PLAT: variants seen among roughly 807,000 people sequenced by gnomAD.
PLAT encodes the protein plasminogen activator, tissue type.
Under a neutral mutation model 74.9 loss-of-function variants are expected in PLAT, and 48 were observed. The ratio of observed to expected loss-of-function variants is 0.64; its 90% CI spans 0.51 to 0.82. The LOEUF (loss-of-function observed/expected upper bound fraction) is 0.82. PLAT is among the 40% of genes least tolerant of loss of function. PLAT has a pLI of 0.00. For synonymous variants in PLAT, 307 were observed against 294.4 expected (o/e 1.04, Z -0.44); for missense variants, 673 against 736.2 (o/e 0.91, Z 0.99).
intron 5 of PLAT, 110 bp from the exon 6 acceptor site, chr8:42,187,682 C>T (rs1020575974): frequency 2.2e-5 from 24 of 1,108,960 alleles, no homozygotes; most frequent in African/African-American, 6.2e-5. Context: ...CAGGCTGGCT[C>T]GGAAGCCACA....
Position 42,193,099 on chromosome 8 carries a change from A to T in PLAT, c.72+15T>A, listed in dbSNP as rs376808601. 38 of 1,587,702 alleles carry T rather than the reference A, an allele frequency of 2.4e-5. 1 individual carries two copies. Among genetic ancestry groups the T allele is most frequent in the Middle Eastern group, 1.7e-4 (1 of 6,018 alleles). On this transcript the variant is annotated intron_variant, in intron 2 of 13. Coordinates refer to ENST00000220809, the MANE Select transcript of PLAT (RefSeq NM_000930.5). ...CAGCCTTGAGGGGCGGGACACAGGG[A>T]TCCTGCACACCAACCTGGCTGGGCG...
intron 9 of PLAT, 33 bp from the exon 10 acceptor site, chr8:42,180,718 C>T (rs1291244756): frequency 6.7e-7 from 1 of 1,494,074 alleles, no homozygotes; most frequent in Non-Finnish European, 9.0e-7. Context: ...GCAGTCAGTC[C>T]CACAGGCCTC....
chr8:42,191,462 A>G (rs772478793), intron 2 of PLAT, 48 bp from the exon 3 acceptor site: 13 of 1,592,726 alleles, frequency 8.2e-6, no homozygotes, highest in Non-Finnish European at 1.1e-5. Context: ...TGCCAGGTGT[A>G]CTAAGAGTAA....
In PLAT at chr8:42,177,905, C is replaced by G. The variant is rs188639678; in HGVS notation, c.1530+992G>C. Among the ~76,000 whole-genome samples the G allele has an allele frequency of 2.0e-5, 3 of 152,330 alleles. No individual in the cohort carries two copies. In the East Asian group the frequency reaches 5.8e-4, roughly 29 times the overall value. ...AGCACCAGAGCCTGGCCTCACTTCT[C>G]TTTGTATCTCTTCTACCCCCAGCCC... On this transcript the variant is annotated intron_variant, in intron 13 of 13. Transcript: ENST00000220809.
intron 1 of PLAT, among the ~76,000 whole-genome samples, chr8:42,202,860 G>A (rs1020052803): frequency 2.6e-5 from 4 of 152,114 alleles, no homozygotes; most frequent in African/African-American, 4.8e-5. Context: ...AAGCTGTTCC[G>A]GGAACACACG....
At chr8:42,190,177 T>C (rs951630687) in intron 3 of PLAT, among the ~76,000 whole-genome samples, 2 of 152,288 alleles carry the variant, frequency 1.3e-5, no homozygotes, top group African/African-American at 4.8e-5. Flanking sequence ...AAAGCCATCC[T>C]CCTGGATCCG....
intron 13 of PLAT, among the ~76,000 whole-genome samples, chr8:42,176,673 C>T (rs566679447): frequency 6.6e-6 from 1 of 152,280 alleles, no homozygotes; most frequent in East Asian, 1.9e-4. Context: ...GGGAGCCTGC[C>T]CTATTTGTGA....
rs1805303229 is a variant in PLAT at position 42,182,822 on chromosome 8, C to T, written c.700G>A (p.Ala234Thr). 2 of 1,613,772 alleles carry T rather than the reference C, an allele frequency of 1.2e-6. No individual in the cohort carries two copies. Among genetic ancestry groups the T allele is most frequent in the Admixed American group, 1.7e-5 (1 of 60,024 alleles). The change falls in exon 8 of 14, where the codon GCC becomes ACC. Residue 234 changes from alanine (A) to threonine (T), a missense_variant. By Grantham distance (58) the Ala-to-Thr change is moderately conservative (BLOSUM62 0). Coordinates refer to ENST00000220809, the MANE Select transcript of PLAT (RefSeq NM_000930.5). ...RGTHSLTESG[A>T]SCLPWNSMIL... Reference sequence around the variant, plus strand: ...ATGGAATTCCACGGGAGGCAGGAGGCACCCGACTCGGTGAGGCTGTGCGTG... The same window carrying T: ...ATGGAATTCCACGGGAGGCAGGAGGTACCCGACTCGGTGAGGCTGTGCGTG...
At chr8:42,199,016 A>C (rs949237101) in intron 1 of PLAT, among the ~76,000 whole-genome samples, 4 of 152,196 alleles carry the variant, frequency 2.6e-5, no homozygotes, top group African/African-American at 9.6e-5. Context: ...CTAGCCTTGG[A>C]AAGGGTGGCG....
chr8:42,176,102 A>G lies in PLAT; in HGVS notation c.1580T>C (p.Leu527Ser), dbSNP rs1804962269. The G allele has an allele frequency of 1.2e-6, 2 of 1,614,004 alleles. No homozygotes were observed. Among genetic ancestry groups the G allele is most frequent in the Non-Finnish European group, 1.7e-6 (2 of 1,179,912 alleles). Residue 527 changes from leucine to serine, a missense_variant, in exon 14 of 14, where the codon TTG becomes TCG. Leu to Ser is a moderately radical substitution (Grantham distance 145, BLOSUM62 -2). Coordinates refer to ENST00000220809, the MANE Select transcript of PLAT (RefSeq NM_000930.5). ...LVCLNDGRMT[L>S]VGIISWGLGC... Reference sequence around the variant, plus strand: ...CAGGCCCCAGCTGATGATGCCCACCAAAGTCATGCGGCCATCGTTCAGACA... The same window carrying G: ...CAGGCCCCAGCTGATGATGCCCACCGAAGTCATGCGGCCATCGTTCAGACA...
intron 13 of PLAT, among the ~76,000 whole-genome samples, chr8:42,178,284 T>TTTTTTTA (rs1805055466): frequency 6.6e-6 from 1 of 150,620 alleles, no homozygotes; most frequent in African/African-American, 2.4e-5. Flanking sequence ...TTTTTTTTTT[T>TTTTTTTA]TTTGAGATCG....
chr8:42,197,273 C>T (rs2129797492), intron 1 of PLAT, among the ~76,000 whole-genome samples: 1 of 152,330 alleles, frequency 6.6e-6, no homozygotes, highest in East Asian at 1.9e-4. Context: ...TGTCTGCTTC[C>T]AACCTGCATG....
chr8:42,188,915 TC>T lies in PLAT; in HGVS notation c.253+18del. 6.2e-7 allele frequency: 1 copy of T among 1,604,138 alleles called. No homozygotes were observed. Among genetic ancestry groups the T allele is most frequent in the Non-Finnish European group, 8.5e-7 (1 of 1,172,768 alleles). On this transcript the variant is annotated intron_variant, in intron 4 of 13. Transcript: ENST00000220809. ...GCTGGGATCACAGGCATGCACCACC[TC>T]CCAGCCTCAGTACATACTTTTGACA...
rs751015695 is a variant in PLAT at position 42,188,009 on chromosome 8, G to T, written c.261C>A (p.Ser87Arg). Residue 87 changes from serine to arginine, a missense_variant, in exon 5 of 14, where the codon AGC becomes AGA. By Grantham distance (110) the Ser-to-Arg change is moderately radical (BLOSUM62 -1). Transcript: ENST00000220809. ...QCHSVPVKSC[S>R]EPRCFNGGTC... Reference sequence around the variant, plus strand: ...TGCCCCCGTTGAAACACCTTGGCTCGCTGCAACCTGTCAAGTATAAAAAAG... The same window carrying T: ...TGCCCCCGTTGAAACACCTTGGCTCTCTGCAACCTGTCAAGTATAAAAAAG... The T allele has an allele frequency of 1.2e-6, 2 of 1,604,202 alleles. No homozygotes were observed. The highest frequency in any genetic ancestry group is 1.3e-5 in the African/African-American group (1 of 74,874).
At chr8:42,179,750 T>G (rs963309518) in intron 12 of PLAT, among the ~76,000 whole-genome samples, 176 bp downstream of exon 12, 1 of 152,050 alleles carries the variant, frequency 6.6e-6, no homozygotes, top group Admixed American at 6.5e-5. Flanking sequence ...GCCTGCAGTG[T>G]CCCTGTGAGG....
chr8:42,192,967 T>C (rs575289867), intron 2 of PLAT, 147 bp downstream of exon 2: 1 of 629,482 alleles, frequency 1.6e-6, no homozygotes, highest in South Asian at 1.8e-5. Context: ...TGCTGTGTGC[T>C]CCACAGCAAT....
chr8:42,203,992 T>TATATACACAC (rs1554499838), intron 1 of PLAT, among the ~76,000 whole-genome samples: 16 of 109,864 alleles, frequency 1.5e-4, no homozygotes, highest in African/African-American at 8.3e-4. Context: ...TATATATATA[T>TATATACACAC]ACACACACAC....
In PLAT at chr8:42,202,007, C is replaced by A. The variant is rs538232157; in HGVS notation, c.-27+5487G>T. On this transcript the variant is annotated intron_variant, in intron 1 of 13. Transcript: ENST00000220809. ...AATAACCAGCAGAAATCAAGTTGAC[C>A]AGTAGTCTCTCTTTCTTATTTATTT... Among the ~76,000 whole-genome samples, 4 of 152,150 alleles carry A rather than the reference C, an allele frequency of 2.6e-5. No homozygotes were observed. The South Asian group carries it at 8.3e-4, about 32-fold the overall frequency.
intron 4 of PLAT, chr8:42,188,492 C>G (rs1467840481): frequency 6.0e-6 from 1 of 167,852 alleles, no homozygotes; most frequent in Non-Finnish European, 1.3e-5. Context: ...TAAGGCCGAA[C>G]AGGCCTGGAG....
Sources: gnomAD v4.1 joint callset for allele counts (sites outside exome capture counted in the v4.1 genomes callset) on GRCh38, gnomAD v4.1.1 for gene constraint, MANE v1.5 for transcripts, NCBI Gene and HGNC (gene_info 2026-07-23, HGNC 2026-07-21) for gene names.